The following ARK2N variants were observed in gnomAD, a reference collection of about 807,000 sequenced individuals.
ARK2N encodes arkadia (RNF111) N-terminal like PKA signaling regulator 2N, also known as protein ARK2N.
At chr18:46,198,333 AGAAG>A in the ARK2N span, among the ~76,000 whole-genome samples, 1 of 136,722 alleles carries the variant, frequency 7.3e-6, no homozygotes. Context: ...AAAAAAAAAA[AGAAG>A]CTTGACTCTT....
chr18:46,233,124 G>A, the ARK2N span, among the ~76,000 whole-genome samples: 2 of 152,032 alleles, frequency 1.3e-5, no homozygotes, highest in Non-Finnish European at 2.9e-5. Flanking sequence ...TTGAAAAAAA[G>A]AATACCACTG....
At chr18:46,222,281 T>C in the ARK2N span, among the ~76,000 whole-genome samples, 2 of 152,230 alleles carry the variant, frequency 1.3e-5, no homozygotes, top group African/African-American at 4.8e-5. Flanking sequence ...TTCAATTAAG[T>C]TCTCTTACTG....
At chr18:46,240,013 C>T in the ARK2N span, 1 of 1,613,808 alleles carries the variant, frequency 6.2e-7, no homozygotes, top group African/African-American at 1.3e-5. Flanking sequence ...AGATGGACCT[C>T]CAGTTGTAGC....
the ARK2N span, among the ~76,000 whole-genome samples, chr18:46,177,545 T>C: frequency 2.0e-5 from 3 of 150,956 alleles, no homozygotes; most frequent in South Asian, 2.1e-4. Context: ...GATTCTTCCA[T>C]GTCAGCCTCC....
chr18:46,177,919 T>C, the ARK2N span, among the ~76,000 whole-genome samples: 3 of 152,240 alleles, frequency 2.0e-5, no homozygotes, highest in African/African-American at 7.2e-5. Flanking sequence ...TAATAATTCA[T>C]ATGGAGAGTC....
At chr18:46,258,629 T>C in the ARK2N span, among the ~76,000 whole-genome samples, 1 of 152,196 alleles carries the variant, frequency 6.6e-6, no homozygotes, top group Non-Finnish European at 1.5e-5. Context: ...TAGGTTGTGT[T>C]TCATACCTGT....
the ARK2N span, among the ~76,000 whole-genome samples, chr18:46,196,808 T>G: frequency 6.6e-6 from 1 of 152,180 alleles, no homozygotes; most frequent in Admixed American, 6.5e-5. Flanking sequence ...GGCTGGAGGA[T>G]CCATTTGCAA....
chr18:46,177,254 T>C, the ARK2N span, among the ~76,000 whole-genome samples: 10 of 150,944 alleles, frequency 6.6e-5, no homozygotes, highest in Admixed American at 6.6e-4. Flanking sequence ...GAAAATAGAG[T>C]GGATAAAATA....
At chr18:46,260,073 C>G in the ARK2N span, among the ~76,000 whole-genome samples, 1 of 152,040 alleles carries the variant, frequency 6.6e-6, no homozygotes, top group Non-Finnish European at 1.5e-5. Flanking sequence ...CTTAAAGTCA[C>G]TGTTGAGCTT....
chr18:46,195,559 CTTTT>C, the ARK2N span, among the ~76,000 whole-genome samples: 40 of 72,676 alleles, frequency 5.5e-4, no homozygotes, highest in East Asian at 2.6e-3. Flanking sequence ...CCCACATAAA[CTTTT>C]TTTTTTTTTT....
the ARK2N span, among the ~76,000 whole-genome samples, chr18:46,221,779 G>A: frequency 6.6e-6 from 1 of 152,106 alleles, no homozygotes; most frequent in African/African-American, 2.4e-5. Flanking sequence ...GAGGATTCAT[G>A]GTTGAAGATC....
At chr18:46,226,193 A>G in the ARK2N span, among the ~76,000 whole-genome samples, 687 of 152,358 alleles carry the variant, frequency 4.5e-3, 7 homozygotes, top group African/African-American at 0.015. Flanking sequence ...TGCAGGAAGA[A>G]CACAATTCGT....
At chr18:46,202,063 C>G in the ARK2N span, among the ~76,000 whole-genome samples, 2 of 152,114 alleles carry the variant, frequency 1.3e-5, no homozygotes, top group African/African-American at 2.4e-5. Flanking sequence ...CAGGCATGAG[C>G]CACCATGCCT....
chr18:46,240,769 A>T, the ARK2N span, among the ~76,000 whole-genome samples: 23 of 152,246 alleles, frequency 1.5e-4, no homozygotes, highest in South Asian at 4.4e-3. Context: ...TAGTTTTGTG[A>T]TTATTCTTTA....
At chr18:46,242,120 A>G in the ARK2N span, among the ~76,000 whole-genome samples, 168 of 152,222 alleles carry the variant, frequency 1.1e-3, no homozygotes, top group African/African-American at 3.9e-3. Context: ...TGTAATTTGT[A>G]TATTAGATGG....
chr18:46,217,729 A>G, the ARK2N span: 1 of 152,184 alleles, frequency 6.6e-6, no homozygotes, highest in Non-Finnish European at 1.5e-5. Context: ...AGTCTTGTCC[A>G]TATAATATAA....
chr18:46,184,864 G>T, the ARK2N span, among the ~76,000 whole-genome samples: 2 of 152,166 alleles, frequency 1.3e-5, no homozygotes, highest in Non-Finnish European at 2.9e-5. Flanking sequence ...TCATTTTGTG[G>T]TTATGTAGCC....
the ARK2N span, among the ~76,000 whole-genome samples, chr18:46,206,476 C>G: frequency 6.6e-6 from 1 of 152,146 alleles, no homozygotes; most frequent in Non-Finnish European, 1.5e-5. Flanking sequence ...GAGAACTTCC[C>G]TGATCTGTGA....
the ARK2N span, chr18:46,266,219 A>T: frequency 6.6e-6 from 1 of 152,494 alleles, no homozygotes; most frequent in African/African-American, 2.4e-5. Flanking sequence ...TAGCACCATA[A>T]CTAACTTAAA....
Sources: gnomAD v4.1 joint callset for allele counts (sites outside exome capture counted in the v4.1 genomes callset) on GRCh38, gnomAD v4.1.1 for gene constraint, MANE v1.5 for transcripts, NCBI Gene and HGNC (gene_info 2026-07-23, HGNC 2026-07-21) for gene names.